Variants in FHL2 observed in about 807,000 individuals in gnomAD.
FHL2 encodes four and a half LIM domains protein 2.
Under a neutral mutation model 32.7 loss-of-function variants are expected in FHL2, and 20 were observed. The observed-to-expected ratio is 0.61, with a 90% CI of 0.43 to 0.89. FHL2 has a LOEUF of 0.89. FHL2 is among the 40% of genes least tolerant of loss of function. The pLI is 0.00. For missense variants in FHL2, 311 were observed against 358.6 expected (o/e 0.87, Z 1.07); for synonymous variants, 123 against 128.1 (o/e 0.96, Z 0.27).
At chr2:105,398,733 T>A in intron 1 of FHL2, 109 bp downstream of exon 1, 2 of 850,460 alleles carry the variant, frequency 2.4e-6, no homozygotes, top group Non-Finnish European at 3.3e-6. Context: ...GGCTCTCCTC[T>A]CCCGGGTCTA....
At chr2:105,401,957 G>A (rs945849484), upstream of FHL2, among the ~76,000 whole-genome samples, 6 of 151,294 alleles carry the variant, frequency 4.0e-5, no homozygotes, top group African/African-American at 1.5e-4. Flanking sequence ...TAAATTTTGA[G>A]CTATGTTAAT....
intron 1 of FHL2, among the ~76,000 whole-genome samples, chr2:105,397,393 C>T (rs907240458): frequency 5.9e-5 from 9 of 152,166 alleles, no homozygotes; most frequent in Admixed American, 2.6e-4. Context: ...AACAAAAAGA[C>T]AACATCATTG....
intron 3 of FHL2, among the ~76,000 whole-genome samples, chr2:105,380,763 G>A (rs1178386643): frequency 6.6e-6 from 1 of 151,766 alleles, no homozygotes; most frequent in Non-Finnish European, 1.5e-5. Flanking sequence ...TTCCTCTAGA[G>A]AGAAATTGAA....
chr2:105,370,037 C>A (rs1680917925), intron 4 of FHL2, among the ~76,000 whole-genome samples: 1 of 152,194 alleles, frequency 6.6e-6, no homozygotes, highest in African/African-American at 2.4e-5. Flanking sequence ...CTCCCGCAGG[C>A]GGAAGCGCAG....
chr2:105,402,155 GTATGTA>G (rs945743880), upstream of FHL2, among the ~76,000 whole-genome samples: 3 of 147,514 alleles, frequency 2.0e-5, no homozygotes, highest in African/African-American at 7.5e-5. Context: ...ATATACACAT[GTATGTA>G]TATGTATATA....
upstream of FHL2, among the ~76,000 whole-genome samples, chr2:105,403,554 T>G (rs1026490041): frequency 6.6e-5 from 10 of 152,306 alleles, no homozygotes; most frequent in African/African-American, 2.4e-4. Context: ...TCTCAAAGCC[T>G]TGTCCCAGAG....
intron 1 of FHL2, among the ~76,000 whole-genome samples, chr2:105,397,637 C>T (rs548244370): frequency 6.6e-6 from 1 of 152,172 alleles, no homozygotes; most frequent in Non-Finnish European, 1.5e-5. Flanking sequence ...TAGCCTTCAT[C>T]GACATGTTAT....
At chr2:105,435,022 T>C (rs77770844) in intron 1 of FHL2, among the ~76,000 whole-genome samples, 5,894 of 152,306 alleles carry the variant, frequency 0.039, 286 homozygotes, top group African/African-American at 0.12. Context: ...TTTAGTAAAC[T>C]ATTTAAAATG....
chr2:105,420,076 C>T (rs1380763277), intron 1 of FHL2, among the ~76,000 whole-genome samples: 8 of 152,096 alleles, frequency 5.3e-5, no homozygotes, highest in Admixed American at 5.2e-4. Flanking sequence ...TGTTAGTCTG[C>T]CAGGGCTGTC....
chr2:105,388,224 G>A (rs1682461362), intron 2 of FHL2, among the ~76,000 whole-genome samples: 1 of 152,102 alleles, frequency 6.6e-6, no homozygotes, highest in Non-Finnish European at 1.5e-5. Context: ...GAGTTTACCT[G>A]TATAACAAAC....
At chr2:105,433,426 C>T (rs2104686223) in intron 1 of FHL2, among the ~76,000 whole-genome samples, 2 of 152,328 alleles carry the variant, frequency 1.3e-5, no homozygotes, top group Middle Eastern at 6.8e-3. Flanking sequence ...AGGTGATCTG[C>T]CCACCTCGGC....
At chr2:105,367,774 A>G in intron 4 of FHL2, 35 bp from the exon 5 acceptor site, 1 of 1,600,766 alleles carries the variant, frequency 6.2e-7, no homozygotes, top group Non-Finnish European at 8.5e-7. Context: ...CAGCAGAGTT[A>G]TGGTTAGAGG....
intron 4 of FHL2, among the ~76,000 whole-genome samples, chr2:105,372,392 A>AT (rs34551615): frequency 0.091 from 13,883 of 151,862 alleles, 916 homozygotes; most frequent in Middle Eastern, 0.14. Flanking sequence ...TGCCCGGCTA[A>AT]TTTTTTGTAT....
At chr2:105,425,289 G>T (rs1245658955) in intron 1 of FHL2, among the ~76,000 whole-genome samples, 4 of 152,158 alleles carry the variant, frequency 2.6e-5, no homozygotes, top group Non-Finnish European at 2.9e-5. Flanking sequence ...TTTACAAGCA[G>T]TATACTTGGT....
At chr2:105,358,965 T>G (rs2104471277), downstream of FHL2, 1 of 152,330 alleles carries the variant, frequency 6.6e-6, no homozygotes, top group East Asian at 1.9e-4. Context: ...ACTGCAGGTT[T>G]CCTAACAGAG....
chr2:105,364,981 C>T (rs1012065355), intron 5 of FHL2, among the ~76,000 whole-genome samples: 10 of 152,172 alleles, frequency 6.6e-5, no homozygotes, highest in African/African-American at 1.7e-4. Flanking sequence ...ACACCAAACA[C>T]GCTTGGTTGC....
At chr2:105,399,622 C>G, upstream of FHL2, 1 of 1,520,294 alleles carries the variant, frequency 6.6e-7, no homozygotes, top group South Asian at 1.2e-5. Flanking sequence ...GGCCAGAAGA[C>G]TAGTTAGACA....
At chr2:105,394,672 A>T (rs1410380789) in intron 2 of FHL2, among the ~76,000 whole-genome samples, 1 of 152,228 alleles carries the variant, frequency 6.6e-6, no homozygotes, top group Admixed American at 6.5e-5. Flanking sequence ...ATCTATTTTT[A>T]AATTGTTGGA....
intron 3 of FHL2, among the ~76,000 whole-genome samples, chr2:105,379,817 C>T (rs1273393547): frequency 4.6e-5 from 7 of 152,254 alleles, no homozygotes; most frequent in Non-Finnish European, 1.0e-4. Context: ...CAAGTCCCAG[C>T]TGAAATCTCA....
Sources: allele counts gnomAD v4.1 joint callset (sites outside exome capture counted in the v4.1 genomes callset), GRCh38; gene constraint gnomAD v4.1.1; transcripts MANE v1.5; gene names NCBI Gene and HGNC (gene_info 2026-07-23, HGNC 2026-07-21).